Variants in SNTG1 observed in about 807,000 individuals in gnomAD.
SNTG1 encodes the protein syntrophin gamma 1, also known as gamma-1-syntrophin.
SNTG1 carries 39 observed loss-of-function variants against 74.7 expected under a neutral mutation model. That is an observed-to-expected ratio of 0.52 (90% CI 0.40 to 0.68). SNTG1 has a LOEUF of 0.68. Ranked by LOEUF, SNTG1 falls within the 30% of genes least tolerant of loss-of-function variation. The pLI is 0.00. For missense variants in SNTG1, 685 were observed against 609.5 expected, an observed-to-expected ratio of 1.12 and a Z score of -1.30; for synonymous variants, 254 against 217.1, an observed-to-expected ratio of 1.17 and a Z score of -1.49.
intron 1 of SNTG1, among the ~76,000 whole-genome samples, chr8:49,950,277 A>G (rs1424369001): frequency 6.6e-6 from 1 of 152,256 alleles, no homozygotes; most frequent in Non-Finnish European, 1.5e-5. Context: ...ATGAATGTTA[A>G]ACATGTTATC....
intron 1 of SNTG1, among the ~76,000 whole-genome samples, chr8:49,955,261 G>A (rs550725828): frequency 3.9e-5 from 6 of 152,256 alleles, no homozygotes; most frequent in Admixed American, 3.9e-4. Context: ...TTTTTTGCTA[G>A]CTAAAATAAT....
chr8:50,018,099 T>G (rs1816499560), intron 1 of SNTG1, among the ~76,000 whole-genome samples: 1 of 152,024 alleles, frequency 6.6e-6, no homozygotes, highest in African/African-American at 2.4e-5. Flanking sequence ...TACCTTGCAT[T>G]AATCTACAGA....
intron 9 of SNTG1, among the ~76,000 whole-genome samples, chr8:50,510,987 AT>A (rs1327129510): frequency 6.6e-6 from 1 of 151,856 alleles, no homozygotes; most frequent in East Asian, 1.9e-4. Flanking sequence ...TGGCTTCTCT[AT>A]TTCTTTTAAC....
At chr8:49,965,861 T>C (rs1397077325) in intron 1 of SNTG1, among the ~76,000 whole-genome samples, 4 of 152,224 alleles carry the variant, frequency 2.6e-5, no homozygotes, top group African/African-American at 9.6e-5. Context: ...AACTTCCTCC[T>C]GTGATCTTTC....
intron 1 of SNTG1, among the ~76,000 whole-genome samples, chr8:49,947,050 A>C (rs1809256575): frequency 6.6e-6 from 1 of 152,228 alleles, no homozygotes; most frequent in African/African-American, 2.4e-5. Flanking sequence ...CTGTAATCCC[A>C]GCACTTTGGG....
At chr8:50,689,973 T>C (rs1390553461) in intron 15 of SNTG1, among the ~76,000 whole-genome samples, 1 of 152,228 alleles carries the variant, frequency 6.6e-6, no homozygotes, top group Non-Finnish European at 1.5e-5. Flanking sequence ...TGGTTTAGTC[T>C]TGGGAGGATG....
intron 1 of SNTG1, among the ~76,000 whole-genome samples, chr8:50,092,932 A>T (rs1319241459): frequency 6.6e-6 from 1 of 152,194 alleles, no homozygotes; most frequent in Non-Finnish European, 1.5e-5. Context: ...ATTATAATTT[A>T]CATTCTATGG....
chr8:50,582,390 CA>C (rs1390114742), intron 12 of SNTG1, among the ~76,000 whole-genome samples: 1 of 151,844 alleles, frequency 6.6e-6, no homozygotes, highest in African/African-American at 2.4e-5. Context: ...GTGAGGGGAG[CA>C]AATAAATTAC....
Position 50,515,625 on chromosome 8 carries a change from G to A in SNTG1, c.466+12745G>A, listed in dbSNP as rs567146939. Among the ~76,000 whole-genome samples the A allele has an allele frequency of 2.0e-4, 30 of 152,154 alleles. No individual in the cohort carries two copies. The South Asian group carries it at 3.9e-3, about 20-fold the overall frequency. On this transcript the variant is annotated intron_variant, in intron 9 of 18. Coordinates refer to ENST00000642720, the MANE Select transcript of SNTG1 (RefSeq NM_018967.5). ...ACTCAAGCTTGATGGGGGGAAGGGC[G>A]TCTACCATTACTGAGCCTTTAGTAG...
intron 18 of SNTG1, among the ~76,000 whole-genome samples, chr8:50,761,777 T>TAA (rs1335082678): frequency 1.3e-5 from 2 of 151,982 alleles, no homozygotes; most frequent in African/African-American, 4.8e-5. Context: ...AATGGCTGTT[T>TAA]AAAGACAATC....
intron 16 of SNTG1, among the ~76,000 whole-genome samples, chr8:50,706,925 T>C (rs1426484725): frequency 1.3e-5 from 2 of 152,078 alleles, no homozygotes; most frequent in African/African-American, 4.8e-5. Context: ...ACTTTCAAAG[T>C]GTTCCTCATT....
chr8:50,197,399 G>T (rs1313904812), intron 2 of SNTG1, among the ~76,000 whole-genome samples: 1 of 152,008 alleles, frequency 6.6e-6, no homozygotes, highest in Non-Finnish European at 1.5e-5. Context: ...TCATTCTATT[G>T]TACTTTTGCT....
At chr8:50,397,215 C>T (rs1159885178) in intron 3 of SNTG1, among the ~76,000 whole-genome samples, 1 of 152,078 alleles carries the variant, frequency 6.6e-6, no homozygotes, top group East Asian at 1.9e-4. Flanking sequence ...CACATGCATT[C>T]CTTTATTTAT....
chr8:50,276,399 AT>A (rs1563832788), intron 2 of SNTG1, among the ~76,000 whole-genome samples: 14 of 96,614 alleles, frequency 1.4e-4, no homozygotes, highest in African/African-American at 3.9e-4. Context: ...ATATATATAT[AT>A]ATATATATAA....
At chr8:50,541,389 C>T (rs1542615) in intron 11 of SNTG1, among the ~76,000 whole-genome samples, 26,741 of 151,842 alleles carry the variant, frequency 0.18, 3,025 homozygotes, top group African/African-American at 0.32. Context: ...GTAGTCCTTC[C>T]ATAACTACAC....
chr8:50,098,844 A>G (rs1164549001), intron 1 of SNTG1, among the ~76,000 whole-genome samples: 6 of 152,156 alleles, frequency 3.9e-5, no homozygotes. Context: ...TTTGTGGAAC[A>G]TAAGTGCACT....
At chr8:50,403,165 T>G (rs2092828127) in intron 4 of SNTG1, among the ~76,000 whole-genome samples, 1 of 152,244 alleles carries the variant, frequency 6.6e-6, no homozygotes, top group Admixed American at 6.5e-5. Flanking sequence ...TGCTCCCTGC[T>G]TTCCCCAAAC....
intron 14 of SNTG1, 103 bp from the exon 15 acceptor site, chr8:50,658,489 T>A (rs562441045): frequency 4.4e-5 from 31 of 710,806 alleles, no homozygotes; most frequent in Non-Finnish European, 6.9e-5. Flanking sequence ...ACTAGATACA[T>A]CTGTGAAAGT....
At chr8:50,197,594 T>C (rs554486820) in intron 2 of SNTG1, among the ~76,000 whole-genome samples, 49 of 152,316 alleles carry the variant, frequency 3.2e-4, no homozygotes, top group African/African-American at 1.2e-3. Context: ...GGAATATTTA[T>C]CTGTGATCTG....
Sources: allele counts gnomAD v4.1 joint callset (sites outside exome capture counted in the v4.1 genomes callset), GRCh38; gene constraint gnomAD v4.1.1; transcripts MANE v1.5; gene names NCBI Gene and HGNC (gene_info 2026-07-23, HGNC 2026-07-21).